Variants in TMCO4 observed in about 807,000 individuals in gnomAD.
The protein encoded by TMCO4 is transmembrane and coiled-coil domain-containing protein 4.
In TMCO4, 58 loss-of-function variants were observed where a neutral mutation model predicts 64.7. That is an observed-to-expected ratio of 0.90 (90% CI 0.73 to 1.12). TMCO4 has a LOEUF of 1.12. Ranked by LOEUF, TMCO4 falls within the 50% of genes most tolerant of loss-of-function variation. TMCO4 has a pLI of 0.00. For synonymous variants in TMCO4, 325 were observed against 346.1 expected (o/e 0.94, Z 0.68); for missense variants, 780 against 825.9 (o/e 0.94, Z 0.68).
At position 19,746,712 on chromosome 1, in the gene TMCO4, C is replaced by T. The variant is rs557974386; in HGVS notation, c.614-113G>A. 3 of 1,320,078 alleles carry T rather than the reference C, an allele frequency of 2.3e-6. No homozygotes were observed. In the African/African-American group the frequency reaches 4.4e-5, roughly 20 times the overall value. 81.8% of individuals were successfully genotyped at this position (1,320,078 alleles called of 1,614,324 possible). On this transcript the variant is annotated intron_variant, in intron 8 of 15. Transcript: ENST00000294543. The stretch of plus-strand genomic sequence containing the variant: ...GGCCGAGGTGGGCGGATCACGAGGT[C>T]AGGAGATCGAGACTATCCTGGCTAA...
intron 13 of TMCO4, among the ~76,000 whole-genome samples, chr1:19,716,852 T>C (rs1294685324): frequency 2.0e-5 from 3 of 152,150 alleles, no homozygotes. Flanking sequence ...TGGGCATCCA[T>C]GCTGGAGCCG....
At chr1:19,694,206 C>T (rs1181596819) in intron 15 of TMCO4, among the ~76,000 whole-genome samples, 3 of 152,188 alleles carry the variant, frequency 2.0e-5, no homozygotes, top group East Asian at 1.9e-4. Flanking sequence ...TTTGCCATGT[C>T]GCCCAGGCTG....
chr1:19,786,283 G>GA (rs141226115), intron 3 of TMCO4, among the ~76,000 whole-genome samples: 3,771 of 152,144 alleles, frequency 0.025, 163 homozygotes, highest in African/African-American at 0.085. Context: ...AGAACAAACA[G>GA]AAAAAACAGA....
At chr1:19,766,221 T>G (rs956486778) in intron 6 of TMCO4, among the ~76,000 whole-genome samples, 2 of 152,190 alleles carry the variant, frequency 1.3e-5, no homozygotes, top group Non-Finnish European at 2.9e-5. Context: ...CGTGTTGCAC[T>G]TGCTGGGATG....
intron 13 of TMCO4, among the ~76,000 whole-genome samples, chr1:19,706,863 G>C (rs1336591373): frequency 6.6e-6 from 1 of 152,180 alleles, no homozygotes; most frequent in Non-Finnish European, 1.5e-5. Context: ...CTCAGTCATA[G>C]GCATGAGATG....
At chr1:19,689,713 G>A (rs1164205441) in intron 15 of TMCO4, among the ~76,000 whole-genome samples, 1 of 152,240 alleles carries the variant, frequency 6.6e-6, no homozygotes, top group Non-Finnish European at 1.5e-5. Flanking sequence ...TTCAGCAGAT[G>A]CTTTTTATCT....
At chr1:19,747,134 C>G (rs200562869) in intron 8 of TMCO4, 29 bp downstream of exon 8, 10 of 1,607,732 alleles carry the variant, frequency 6.2e-6, no homozygotes, top group African/African-American at 1.3e-5. Flanking sequence ...AAAACCCAGA[C>G]GTGTGCCACC....
At chr1:19,774,163 G>T (rs1483813165) in intron 4 of TMCO4, among the ~76,000 whole-genome samples, 1 of 152,188 alleles carries the variant, frequency 6.6e-6, no homozygotes, top group Admixed American at 6.5e-5. Context: ...TATGTATTTG[G>T]GGAGGGGATG....
chr1:19,736,173 G>T (rs2095453548), intron 13 of TMCO4, among the ~76,000 whole-genome samples: 1 of 152,198 alleles, frequency 6.6e-6, no homozygotes, highest in Non-Finnish European at 1.5e-5. Flanking sequence ...TAACAATCAT[G>T]GTGGAGGGCA....
At chr1:19,753,892 T>C (rs2042131345) in intron 7 of TMCO4, among the ~76,000 whole-genome samples, 1 of 152,200 alleles carries the variant, frequency 6.6e-6, no homozygotes, top group Non-Finnish European at 1.5e-5. Context: ...GGGTCTATAA[T>C]AGTTTATAAA....
intron 6 of TMCO4, among the ~76,000 whole-genome samples, chr1:19,760,001 C>T (rs929724272): frequency 6.6e-6 from 1 of 152,164 alleles, no homozygotes; most frequent in Admixed American, 6.5e-5. Flanking sequence ...AGACCTTTCT[C>T]TGCCTCCCAC....
At chr1:19,724,608 A>G (rs1455646919) in intron 13 of TMCO4, among the ~76,000 whole-genome samples, 1 of 152,168 alleles carries the variant, frequency 6.6e-6, no homozygotes, top group Non-Finnish European at 1.5e-5. Context: ...AAATCCTAGA[A>G]TAACCCCCAG....
intron 13 of TMCO4, among the ~76,000 whole-genome samples, chr1:19,710,302 G>T (rs2095324930): frequency 6.7e-6 from 1 of 148,820 alleles, no homozygotes. Flanking sequence ...TAGTAGAGAT[G>T]GGATCTCACT....
chr1:19,780,568 A>G lies in TMCO4; in HGVS notation c.179+12T>C, dbSNP rs1343498388. On this transcript the variant is annotated intron_variant, in intron 4 of 15. Transcript: ENST00000294543. The stretch of plus-strand genomic sequence containing the variant: ...AAGCATGACCTTCCCACTGCAAGAC[A>G]GAAGAACTCACCTGTGTTCGGGTTC... 1.3e-6 allele frequency: 2 copies of G among 1,583,078 alleles called. No individual in the cohort carries two copies. Among genetic ancestry groups the G allele is most frequent in the Non-Finnish European group, 1.7e-6 (2 of 1,165,196 alleles).
intron 2 of TMCO4, among the ~76,000 whole-genome samples, chr1:19,794,570 G>A (rs2044209721): frequency 6.6e-6 from 1 of 152,240 alleles, no homozygotes; most frequent in Non-Finnish European, 1.5e-5. Context: ...TGACGGGCAA[G>A]ATGAAACACA....
At chr1:19,764,516 G>A (rs568749213) in intron 6 of TMCO4, among the ~76,000 whole-genome samples, 7 of 152,316 alleles carry the variant, frequency 4.6e-5, no homozygotes, top group African/African-American at 1.2e-4. Context: ...TCTTATTTGC[G>A]GAATAGATGG....
intron 3 of TMCO4, among the ~76,000 whole-genome samples, chr1:19,781,549 A>G (rs949052331): frequency 2.0e-5 from 3 of 152,092 alleles, no homozygotes; most frequent in East Asian, 1.9e-4. Context: ...TAAAATCCCA[A>G]TGAGACACTA....
At chr1:19,761,582 C>A (rs1375226723) in intron 6 of TMCO4, among the ~76,000 whole-genome samples, 1 of 152,232 alleles carries the variant, frequency 6.6e-6, no homozygotes, top group African/African-American at 2.4e-5. Flanking sequence ...AACAGCCCAA[C>A]AGCAACAGGG....
rs116650784 is a variant in TMCO4, at chr1:19,683,344, G to T, written c.1601C>A (p.Ala534Asp). 9.3e-6 allele frequency: 15 copies of T among 1,613,958 alleles called. No homozygotes were observed. In the African/African-American group the frequency reaches 9.3e-5, roughly 10 times the overall value. Reference sequence around the variant, plus strand: ...CTCCTCGGAGGGCAGGCAGCCTGGGGCCAGCAAGAGCCCCTTCTCGTCCCA... The same window carrying T: ...CTCCTCGGAGGGCAGGCAGCCTGGGTCCAGCAAGAGCCCCTTCTCGTCCCA... Reference protein sequence around the residue: ...PGWDEKGLLLAPGCLPSEEPR... With the variant: ...PGWDEKGLLLDPGCLPSEEPR... The change falls in exon 16 of 16, where the codon GCC (alanine) becomes GAC (aspartate). Residue 534 changes from alanine to aspartate, a missense_variant. Coordinates refer to ENST00000294543, the MANE Select transcript of TMCO4 (RefSeq NM_181719.7).
Sources: gnomAD v4.1 joint callset for allele counts (sites outside exome capture counted in the v4.1 genomes callset) on GRCh38, gnomAD v4.1.1 for gene constraint, MANE v1.5 for transcripts, NCBI Gene and HGNC (gene_info 2026-07-23, HGNC 2026-07-21) for gene names.